The following NSMCE2 variants were observed in gnomAD, a reference collection of about 807,000 sequenced individuals.
NSMCE2 encodes E3 SUMO-protein ligase NSE2.
In NSMCE2, 24 loss-of-function variants were observed where a neutral mutation model predicts 23.8. That is an observed-to-expected ratio of 1.01 (90% CI 0.73 to 1.42). The LOEUF (loss-of-function observed/expected upper bound fraction) is 1.42. NSMCE2 is among the 40% of genes most tolerant of loss of function. The probability of loss-of-function intolerance (pLI) is 0.00; values close to 1 mark genes in which losing one functional copy is unlikely to be tolerated. For synonymous variants in NSMCE2, 92 were observed against 94.1 expected (o/e 0.98, Z 0.13); for missense variants, 284 against 296.5 (o/e 0.96, Z 0.31).
intron 4 of NSMCE2, among the ~76,000 whole-genome samples, chr8:125,163,625 A>G (rs1452282935): frequency 6.6e-6 from 1 of 152,222 alleles, no homozygotes; most frequent in Non-Finnish European, 1.5e-5. Context: ...CCTGCCCCAC[A>G]AAATTGAAAG....
chr8:125,257,472 G>A (rs1457817247), intron 5 of NSMCE2, among the ~76,000 whole-genome samples: 1 of 150,232 alleles, frequency 6.7e-6, no homozygotes, highest in Non-Finnish European at 1.5e-5. Context: ...GATAAGGATT[G>A]AGGAAGGGTC....
chr8:125,129,818 A>C (rs1185514997), intron 3 of NSMCE2, among the ~76,000 whole-genome samples: 1 of 151,880 alleles, frequency 6.6e-6, no homozygotes. Flanking sequence ...TTATTTTGGA[A>C]TGATGTTAGA....
intron 3 of NSMCE2, among the ~76,000 whole-genome samples, chr8:125,103,634 G>A (rs567997845): frequency 6.6e-6 from 1 of 152,134 alleles, no homozygotes; most frequent in Admixed American, 6.5e-5. Flanking sequence ...GGTTGATATT[G>A]TCCCATAAAT....
intron 3 of NSMCE2, among the ~76,000 whole-genome samples, chr8:125,133,445 T>C (rs1443453164): frequency 6.6e-6 from 1 of 152,076 alleles, no homozygotes; most frequent in Admixed American, 6.6e-5. Flanking sequence ...AGTAATAGTT[T>C]GTCTTTAAAT....
chr8:125,275,034 T>TAATAATAATAAA (rs1353424414), intron 5 of NSMCE2, among the ~76,000 whole-genome samples: 2 of 132,140 alleles, frequency 1.5e-5, no homozygotes, highest in African/African-American at 2.7e-5. Flanking sequence ...ATAATAATAA[T>TAATAATAATAAA]AAATAGAATA....
In NSMCE2 at chr8:125,272,740, CATATATATACACACGTAT is replaced by C. The variant is rs1304629568; in HGVS notation, c.419-84464_419-84447del. Reference sequence around the variant, plus strand: ...TAATATATATATATACACACACACACATATATATACACACGTATATATATATACACACACACGTATATA... The same window carrying C: ...TAATATATATATATACACACACACACATATATATACACACACACGTATATA... On this transcript the variant is annotated intron_variant, in intron 5 of 7. Coordinates refer to ENST00000287437, the MANE Select transcript of NSMCE2 (RefSeq NM_173685.4). Among the ~76,000 whole-genome samples, 14 of 130,838 alleles carry C rather than the reference CATATATATACACACGTAT, an allele frequency of 1.1e-4. 1 individual carries two copies. Among genetic ancestry groups the C allele is most frequent in the African/African-American group, 2.6e-4 (9 of 34,004 alleles). The allele number at this position is 130,838 out of a possible 152,430, so 85.8% of individuals were successfully genotyped here.
chr8:125,296,207 G>C (rs967913755), intron 5 of NSMCE2, among the ~76,000 whole-genome samples: 2 of 152,112 alleles, frequency 1.3e-5, no homozygotes, highest in South Asian at 4.1e-4. Context: ...GGTAAATTTA[G>C]TGTTGTCATG....
chr8:125,320,037 G>A (rs1410212039), intron 5 of NSMCE2, among the ~76,000 whole-genome samples: 3 of 151,752 alleles, frequency 2.0e-5, no homozygotes, highest in Non-Finnish European at 4.4e-5. Context: ...TTAGCTGGAC[G>A]TGGTGGCATG....
chr8:125,300,877 G>A (rs1287963013), intron 5 of NSMCE2, among the ~76,000 whole-genome samples: 1 of 152,142 alleles, frequency 6.6e-6, no homozygotes, highest in Non-Finnish European at 1.5e-5. Context: ...AGTGAAGAAT[G>A]GATGGAAGAA....
At chr8:125,214,366 G>C (rs1824483631) in intron 5 of NSMCE2, among the ~76,000 whole-genome samples, 1 of 152,138 alleles carries the variant, frequency 6.6e-6, no homozygotes, top group African/African-American at 2.4e-5. Flanking sequence ...GGAACATCAG[G>C]TCCAAGCCTC....
intron 5 of NSMCE2, among the ~76,000 whole-genome samples, chr8:125,319,113 A>G (rs989176009): frequency 1.9e-4 from 29 of 152,320 alleles, no homozygotes; most frequent in Non-Finnish European, 2.8e-4. Flanking sequence ...GAAATCCATA[A>G]TTCAGAGACA....
intron 3 of NSMCE2, chr8:125,130,317 G>C (rs535502214): frequency 1.5e-5 from 7 of 453,764 alleles, no homozygotes; most frequent in Admixed American, 9.5e-5. Context: ...TTGATCACCT[G>C]GCCCTAGTAG....
intron 5 of NSMCE2, among the ~76,000 whole-genome samples, chr8:125,274,242 G>A (rs1306514767): frequency 6.6e-6 from 1 of 151,912 alleles, no homozygotes; most frequent in Non-Finnish European, 1.5e-5. Context: ...GAAAAATACA[G>A]AAAATGAAAC....
chr8:125,275,941 G>T (rs1325958678), intron 5 of NSMCE2, among the ~76,000 whole-genome samples: 1 of 152,118 alleles, frequency 6.6e-6, no homozygotes, highest in Non-Finnish European at 1.5e-5. Flanking sequence ...CTAAATTCCA[G>T]CCTTAGCCAA....
At chr8:125,161,848 A>G (rs1821646970) in intron 4 of NSMCE2, among the ~76,000 whole-genome samples, 1 of 151,514 alleles carries the variant, frequency 6.6e-6, no homozygotes, top group Non-Finnish European at 1.5e-5. Context: ...TGATTGCACC[A>G]CAGGATTGAT....
At chr8:125,258,919 T>G (rs1476512398) in intron 5 of NSMCE2, among the ~76,000 whole-genome samples, 3 of 152,118 alleles carry the variant, frequency 2.0e-5, no homozygotes, top group Non-Finnish European at 4.4e-5. Context: ...TTTCTGTTTT[T>G]GAGACAGAGT....
chr8:125,278,211 A>G (rs77501282), intron 5 of NSMCE2, among the ~76,000 whole-genome samples: 5,354 of 152,316 alleles, frequency 0.035, 152 homozygotes, highest in African/African-American at 0.084. Flanking sequence ...TTATAAAAAG[A>G]AAAAGGAGTT....
intron 4 of NSMCE2, among the ~76,000 whole-genome samples, chr8:125,155,125 CAA>C (rs1821243638): frequency 6.6e-6 from 1 of 152,132 alleles, no homozygotes. Flanking sequence ...GAACAGAAGA[CAA>C]ATATTTTACA....
intron 5 of NSMCE2, among the ~76,000 whole-genome samples, chr8:125,326,691 C>T (rs952092245): frequency 3.9e-5 from 6 of 152,210 alleles, no homozygotes; most frequent in Admixed American, 6.5e-5. Context: ...CGCAATGGCT[C>T]ACGCCTGTAA....
Sources: allele counts gnomAD v4.1 joint callset (sites outside exome capture counted in the v4.1 genomes callset), GRCh38; gene constraint gnomAD v4.1.1; transcripts MANE v1.5; gene names NCBI Gene and HGNC (gene_info 2026-07-23, HGNC 2026-07-21).